The following FRMD5 variants were observed in gnomAD, a reference collection of about 807,000 sequenced individuals.
The protein encoded by FRMD5 is FERM domain containing 5.
A neutral mutation model predicts 69.0 loss-of-function variants in FRMD5; 20 were observed. The observed-to-expected ratio is 0.29, with a 90% confidence interval of 0.20 to 0.42. The LOEUF is 0.42. Ranked by LOEUF, FRMD5 falls within the 10% of genes least tolerant of loss-of-function variation. The pLI is 1.00. For missense variants in FRMD5, 595 were observed against 708.6 expected, an observed-to-expected ratio of 0.84 and a Z score of 1.82; for synonymous variants, 271 against 260.1, an observed-to-expected ratio of 1.04 and a Z score of -0.40.
intron 1 of FRMD5, among the ~76,000 whole-genome samples, chr15:44,013,822 T>G (rs1056829346): frequency 1.4e-4 from 21 of 151,096 alleles, no homozygotes; most frequent in African/African-American, 5.1e-4. Flanking sequence ...TAGATGATGA[T>G]GAGGAGGAGT....
At chr15:43,954,685 C>T (rs1452050451) in intron 1 of FRMD5, among the ~76,000 whole-genome samples, 2 of 152,204 alleles carry the variant, frequency 1.3e-5, no homozygotes, top group Non-Finnish European at 2.9e-5. Context: ...TTGCCACATC[C>T]ACCTTCTCTT....
chr15:43,978,533 TACATTTGGTTA>T (rs2090499549), intron 1 of FRMD5, among the ~76,000 whole-genome samples: 1 of 152,206 alleles, frequency 6.6e-6, no homozygotes, highest in South Asian at 2.1e-4. Context: ...GATTAAGACG[TACATTTGGTTA>T]ACATGATTTT....
At chr15:44,078,839 A>G (rs901517299) in intron 1 of FRMD5, among the ~76,000 whole-genome samples, 3 of 152,294 alleles carry the variant, frequency 2.0e-5, no homozygotes, top group Admixed American at 6.5e-5. Context: ...TCTTAGAAGA[A>G]AACATAGGGA....
intron 1 of FRMD5, among the ~76,000 whole-genome samples, chr15:44,179,035 T>C (rs1346151724): frequency 6.6e-6 from 1 of 151,598 alleles, no homozygotes; most frequent in Non-Finnish European, 1.5e-5. Context: ...TACCCAAGTC[T>C]AATCAAAGTA....
intron 1 of FRMD5, among the ~76,000 whole-genome samples, chr15:43,927,692 T>C (rs2140457615): frequency 6.6e-6 from 1 of 152,194 alleles, no homozygotes; most frequent in African/African-American, 2.4e-5. Flanking sequence ...CAAATTTTAC[T>C]TTGCACCAAG....
intron 1 of FRMD5, among the ~76,000 whole-genome samples, chr15:44,088,758 A>C (rs939631052): frequency 6.6e-6 from 1 of 152,212 alleles, no homozygotes; most frequent in African/African-American, 2.4e-5. Flanking sequence ...TGGGAGACAA[A>C]AACTACTAGT....
chr15:43,907,438 T>C (rs2095851160), intron 5 of FRMD5, among the ~76,000 whole-genome samples: 1 of 152,094 alleles, frequency 6.6e-6, no homozygotes, highest in Non-Finnish European at 1.5e-5. Flanking sequence ...GGCATGATCA[T>C]AGCTCACTGT....
chr15:43,919,746 C>A, intron 3 of FRMD5, 21 bp downstream of exon 3: 1 of 1,612,820 alleles, frequency 6.2e-7, no homozygotes, highest in Non-Finnish European at 8.5e-7. Flanking sequence ...TGGCTTGAGT[C>A]TTTTCATGGA....
At chr15:44,148,909 T>C (rs1299293207) in intron 1 of FRMD5, among the ~76,000 whole-genome samples, 2 of 152,338 alleles carry the variant, frequency 1.3e-5, no homozygotes, top group East Asian at 3.9e-4. Flanking sequence ...CTAGTATTAT[T>C]GTAACAATGA....
At chr15:44,080,226 T>A (rs537306243) in intron 1 of FRMD5, among the ~76,000 whole-genome samples, 5 of 152,222 alleles carry the variant, frequency 3.3e-5, no homozygotes, top group South Asian at 2.1e-4. Flanking sequence ...AATTTTAAAT[T>A]AAGAGTTCAT....
chr15:44,094,362 G>T (rs746595978), intron 1 of FRMD5, among the ~76,000 whole-genome samples: 6 of 152,136 alleles, frequency 3.9e-5, no homozygotes, highest in African/African-American at 7.2e-5. Flanking sequence ...AGGCCCAGCT[G>T]CTCCCATTCT....
rs1306697524 is a variant in FRMD5 at position 43,873,542 on chromosome 15, A to ATAAAT, written c.*338_*342dup. On this transcript the variant is annotated 3_prime_UTR_variant, in exon 14 of 14. Transcript: ENST00000417257. Reference sequence around the variant, plus strand: ...TACTGCAATAATCAGTAATAGTAAAATAAATTATTTTTATTTGATACTTCA... The same window carrying ATAAAT: ...TACTGCAATAATCAGTAATAGTAAAATAAATTAAATTATTTTTATTTGATACTTCA... 274 of 1,391,598 alleles carry ATAAAT rather than the reference A, an allele frequency of 2.0e-4. 1 individual carries two copies. Among genetic ancestry groups the ATAAAT allele is most frequent in the Non-Finnish European group, 2.4e-4 (253 of 1,072,686 alleles). 86.2% of individuals were successfully genotyped at this position (1,391,598 alleles called of 1,614,324 possible).
chr15:44,088,853 G>A (rs1239001241), intron 1 of FRMD5, among the ~76,000 whole-genome samples: 2 of 152,102 alleles, frequency 1.3e-5, no homozygotes, highest in African/African-American at 4.8e-5. Context: ...TGTCAGAGAT[G>A]GGATCTGAAC....
At chr15:43,880,267 C>T (rs1392844130) in intron 13 of FRMD5, among the ~76,000 whole-genome samples, 1 of 152,176 alleles carries the variant, frequency 6.6e-6, no homozygotes, top group African/African-American at 2.4e-5. Flanking sequence ...AAAAGAAAGT[C>T]TTTGGTGGAG....
At chr15:44,089,896 G>A (rs745898287) in intron 1 of FRMD5, among the ~76,000 whole-genome samples, 49 of 152,230 alleles carry the variant, frequency 3.2e-4, no homozygotes, top group Admixed American at 1.8e-3. Context: ...GAAAGTGGCT[G>A]ATTAGGCCTA....
chr15:44,196,437 C>A (rs2078298344), upstream of FRMD5, among the ~76,000 whole-genome samples: 1 of 151,768 alleles, frequency 6.6e-6, no homozygotes, highest in Non-Finnish European at 1.5e-5. Flanking sequence ...TGCACTCCAG[C>A]CTGGGGGACA....
rs372767322 is a variant in FRMD5 at position 43,900,158 on chromosome 15, G to T, written c.639+2017C>A. On this transcript the variant is annotated intron_variant, in intron 7 of 13. Coordinates refer to ENST00000417257, the MANE Select transcript of FRMD5 (RefSeq NM_032892.5). ...AGGGAGCAGTTATTGAACACAGACT[G>T]TGTACTTTCAAGTGAGGCTCAGAGA... Among the ~76,000 whole-genome samples, 26 of 152,262 alleles carry T rather than the reference G, an allele frequency of 1.7e-4. No individual in the cohort carries two copies. The East Asian group carries it at 4.1e-3, about 24-fold the overall frequency.
intron 1 of FRMD5, among the ~76,000 whole-genome samples, chr15:44,086,608 G>C (rs1488676530): frequency 6.6e-6 from 1 of 152,174 alleles, no homozygotes; most frequent in East Asian, 1.9e-4. Flanking sequence ...GGTGATGAAA[G>C]TATTCTGGAA....
At chr15:43,987,915 G>C (rs1031819365) in intron 1 of FRMD5, among the ~76,000 whole-genome samples, 1 of 152,114 alleles carries the variant, frequency 6.6e-6, no homozygotes, top group Non-Finnish European at 1.5e-5. Flanking sequence ...ATCAGTGGGA[G>C]CCCTGAGCTG....
Sources: gnomAD v4.1 joint callset for allele counts (sites outside exome capture counted in the v4.1 genomes callset) on GRCh38, gnomAD v4.1.1 for gene constraint, MANE v1.5 for transcripts, NCBI Gene and HGNC (gene_info 2026-07-23, HGNC 2026-07-21) for gene names.